DOCK3: variants seen among roughly 807,000 people sequenced by gnomAD.
DOCK3 encodes dedicator of cytokinesis 3.
DOCK3 carries 60 observed loss-of-function variants against 265.6 expected under a neutral mutation model. The observed-to-expected ratio is 0.23, with a 90% confidence interval of 0.18 to 0.28. The LOEUF (loss-of-function observed/expected upper bound fraction) is 0.28. DOCK3 is among the 10% of genes least tolerant of loss of function. The probability of loss-of-function intolerance (pLI) is 1.00; values close to 1 mark genes in which losing one functional copy is unlikely to be tolerated. For missense variants in DOCK3, 1,981 were observed against 2,594.3 expected (o/e 0.76, Z 5.14); for synonymous variants, 881 against 938.0 (o/e 0.94, Z 1.11).
intron 5 of DOCK3, among the ~76,000 whole-genome samples, chr3:50,954,863 A>G (rs1161088281): frequency 6.6e-6 from 1 of 152,100 alleles, no homozygotes; most frequent in Non-Finnish European, 1.5e-5. Context: ...TTTTGTTGCT[A>G]TTGCTTTTGG....
chr3:50,891,441 T>G (rs2048636504), intron 4 of DOCK3, among the ~76,000 whole-genome samples: 2 of 152,034 alleles, frequency 1.3e-5, no homozygotes, highest in African/African-American at 4.8e-5. Flanking sequence ...CATAAGGACA[T>G]AAAAAAGAAA....
intron 5 of DOCK3, among the ~76,000 whole-genome samples, chr3:51,023,420 G>A (rs2079680406): frequency 6.6e-6 from 1 of 151,888 alleles, no homozygotes; most frequent in African/African-American, 2.4e-5. Flanking sequence ...TGTCGTTGTT[G>A]TTCTTGTTGT....
Position 50,675,412 on chromosome 3 carries a change from G to A in DOCK3, c.37+112G>A, listed in dbSNP as rs2033864869. ...CCCGCCACTGCCCGCAGGCTGCGCG[G>A]CCTCGGCGCGGGGCGAGCGCGGGGT... On this transcript the variant is annotated intron_variant, in intron 1 of 52. Transcript: ENST00000266037. The surrounding 1 kb of genome is among the most constrained non-coding windows in gnomAD (Gnocchi z 6.1). 7 of 1,007,994 alleles carry A rather than the reference G, an allele frequency of 6.9e-6. No homozygotes were observed. Among genetic ancestry groups the A allele is most frequent in the Non-Finnish European group, 5.0e-6 (4 of 805,196 alleles). The allele number at this position is 1,007,994 out of a possible 1,614,324, so 62.4% of individuals were successfully genotyped here. A position where few individuals can be genotyped will look rare whatever the true frequency, so the allele number is the denominator to read the frequency against.
At position 51,090,280 on chromosome 3, in the gene DOCK3, A is replaced by C. The variant is rs768460523; in HGVS notation, c.642A>C (p.Pro214=). ...RHGETCRMPV[P]HHFFLSLKSF... ...GGGAAACATGTCGGATGCCAGTGCC[A>C]CATCACTTCTTCCTCAGCCTGAAGA... Residue 214 remains proline (P), a synonymous_variant, in exon 9 of 53, where the codon CCA becomes CCC. Coordinates refer to ENST00000266037, the MANE Select transcript of DOCK3 (RefSeq NM_004947.5). 21 of 1,600,046 alleles carry C rather than the reference A, an allele frequency of 1.3e-5. No homozygotes were observed. Among genetic ancestry groups the C allele is most frequent in the Non-Finnish European group, 1.8e-5 (21 of 1,172,910 alleles).
At chr3:50,734,824 C>T (rs547634071) in intron 1 of DOCK3, among the ~76,000 whole-genome samples, 2 of 151,920 alleles carry the variant, frequency 1.3e-5, no homozygotes, top group African/African-American at 4.8e-5. Flanking sequence ...AGGATGGTCT[C>T]GATCTCCTGA....
intron 5 of DOCK3, among the ~76,000 whole-genome samples, chr3:51,029,995 C>G (rs1233215532): frequency 1.3e-5 from 2 of 152,040 alleles, no homozygotes; most frequent in Non-Finnish European, 2.9e-5. Context: ...CAGAGGCGCT[C>G]TCCAGCAGTT....
chr3:51,376,751 G>A (rs1021755638), intron 51 of DOCK3, among the ~76,000 whole-genome samples: 1 of 152,100 alleles, frequency 6.6e-6, no homozygotes, highest in African/African-American at 2.4e-5. Context: ...TCTGTTCATC[G>A]AGTGCTATGT....
At chr3:50,867,839 G>C (rs1452913746) in intron 3 of DOCK3, among the ~76,000 whole-genome samples, 1 of 151,934 alleles carries the variant, frequency 6.6e-6, no homozygotes, top group Non-Finnish European at 1.5e-5. Context: ...GTATTTTGTT[G>C]AGGATGTTTG....
At chr3:50,808,010 T>G (rs2043532854) in intron 2 of DOCK3, among the ~76,000 whole-genome samples, 1 of 152,212 alleles carries the variant, frequency 6.6e-6, no homozygotes, top group South Asian at 2.1e-4. Context: ...GTGCTGGGAT[T>G]ACAAGCATGA....
intron 40 of DOCK3, 42 bp from the exon 41 acceptor site, chr3:51,354,840 C>A: frequency 6.3e-7 from 1 of 1,594,364 alleles, no homozygotes; most frequent in South Asian, 1.1e-5. Flanking sequence ...TGGGGGGCTA[C>A]AAGCAAAGCA....
At chr3:50,851,895 C>T (rs1421295450) in intron 3 of DOCK3, among the ~76,000 whole-genome samples, 2 of 152,246 alleles carry the variant, frequency 1.3e-5, no homozygotes, top group Non-Finnish European at 1.5e-5. Context: ...GCTTTGTATG[C>T]ACCTGGATTA....
At chr3:51,277,918 C>A in intron 26 of DOCK3, 164 bp downstream of exon 26, 1 of 985,430 alleles carries the variant, frequency 1.0e-6, no homozygotes. Flanking sequence ...ACTCTCCTCT[C>A]TACTCTGAAA....
intron 4 of DOCK3, among the ~76,000 whole-genome samples, chr3:50,922,295 T>C (rs1370716375): frequency 1.3e-5 from 2 of 152,254 alleles, no homozygotes; most frequent in Non-Finnish European, 2.9e-5. Flanking sequence ...CCTTGCAGTT[T>C]GATCTCAGAC....
At chr3:50,825,609 G>A (rs1046397811) in intron 2 of DOCK3, among the ~76,000 whole-genome samples, 1 of 152,096 alleles carries the variant, frequency 6.6e-6, no homozygotes, top group East Asian at 1.9e-4. Context: ...AAAACTGGGT[G>A]GGGGGCAGTT....
In DOCK3 at chr3:50,675,155, G is replaced by C. The variant is rs2033839282; in HGVS notation, c.-109G>C. 1.2e-6 allele frequency: 1 copy of C among 819,174 alleles called. No individual in the cohort carries two copies. The highest frequency in any genetic ancestry group is 1.9e-5 in the African/African-American group (1 of 53,426). 50.7% of individuals were successfully genotyped at this position (819,174 alleles called of 1,614,324 possible). The stretch of plus-strand genomic sequence containing the variant: ...GATGCGCCGCCCACTGCCCCGCGCC[G>C]CCTGACCGTCCCCGCCTCGACTCGC... On this transcript the variant is annotated 5_prime_UTR_variant, in exon 1 of 53. Transcript: ENST00000266037. The surrounding 1 kb of genome is among the most constrained non-coding windows in gnomAD (Gnocchi z 6.1).
chr3:50,891,479 A>G (rs2048638030), intron 4 of DOCK3, among the ~76,000 whole-genome samples: 1 of 152,140 alleles, frequency 6.6e-6, no homozygotes, highest in Admixed American at 6.6e-5. Context: ...ATGTTTATGA[A>G]CCTTTGCAAC....
chr3:51,187,447 T>C (rs1344191896), intron 12 of DOCK3, among the ~76,000 whole-genome samples: 2 of 152,204 alleles, frequency 1.3e-5, no homozygotes, highest in Non-Finnish European at 2.9e-5. Flanking sequence ...AGATGAGACC[T>C]TGGGCTGTGG....
chr3:50,698,177 C>T (rs1043913090), intron 1 of DOCK3, among the ~76,000 whole-genome samples: 23 of 152,056 alleles, frequency 1.5e-4, no homozygotes, highest in Non-Finnish European at 3.1e-4. Context: ...GCAGTCACTA[C>T]TCATTCTCTC....
intron 27 of DOCK3, among the ~76,000 whole-genome samples, chr3:51,287,637 CAA>C (rs1468523002): frequency 6.6e-6 from 1 of 152,070 alleles, no homozygotes; most frequent in Non-Finnish European, 1.5e-5. Flanking sequence ...CAAAAAATAA[CAA>C]ATGCTGGTGA....
Sources: allele counts gnomAD v4.1 joint callset (sites outside exome capture counted in the v4.1 genomes callset), GRCh38; gene constraint gnomAD v4.1.1; non-coding constraint Gnocchi (gnomAD v3.1); transcripts MANE v1.5; gene names NCBI Gene and HGNC (gene_info 2026-07-23, HGNC 2026-07-21).